TNFSF4: variants seen among roughly 807,000 people sequenced by gnomAD.
The protein encoded by TNFSF4 is tumor necrosis factor ligand superfamily member 4.
A neutral mutation model predicts 7.3 loss-of-function variants in TNFSF4; 4 were observed. The observed-to-expected ratio is 0.55, with a 90% CI of 0.27 to 1.25. TNFSF4 has a LOEUF of 1.25. Ranked by LOEUF, TNFSF4 falls within the 50% of genes most tolerant of loss-of-function variation. The pLI, the probability that TNFSF4 is intolerant of heterozygous loss-of-function variation, is 0.12. For missense variants in TNFSF4, 181 were observed against 208.8 expected (o/e 0.87, Z 0.82); for synonymous variants, 76 against 83.7 (o/e 0.91, Z 0.50).
the TNFSF4 span, among the ~76,000 whole-genome samples, chr1:173,377,941 G>C: frequency 6.6e-6 from 1 of 152,180 alleles, no homozygotes; most frequent in Admixed American, 6.5e-5. Context: ...CATCTTTATA[G>C]GACATGGTTA....
chr1:173,317,106 G>A, the TNFSF4 span, among the ~76,000 whole-genome samples: 2 of 152,126 alleles, frequency 1.3e-5, no homozygotes, highest in East Asian at 3.9e-4. Flanking sequence ...TGGGAGCTTT[G>A]AGCTGCCATG....
chr1:173,403,704 C>G, the TNFSF4 span, among the ~76,000 whole-genome samples: 1 of 152,128 alleles, frequency 6.6e-6, no homozygotes, highest in African/African-American at 2.4e-5. Context: ...GAGTTCAAGA[C>G]AAGCCTGGCC....
At chr1:173,284,840 A>G in the TNFSF4 span, among the ~76,000 whole-genome samples, 1 of 152,290 alleles carries the variant, frequency 6.6e-6, no homozygotes, top group East Asian at 1.9e-4. Context: ...ACTCATTAAC[A>G]ATGCACCTGA....
chr1:173,235,802 C>T, the TNFSF4 span, among the ~76,000 whole-genome samples: 1 of 152,092 alleles, frequency 6.6e-6, no homozygotes, highest in South Asian at 2.1e-4. Context: ...TTTAAGTGTA[C>T]AATAAATTAT....
the TNFSF4 span, among the ~76,000 whole-genome samples, chr1:173,367,301 T>A: frequency 5.3e-5 from 8 of 152,314 alleles, no homozygotes; most frequent in Middle Eastern, 6.8e-3. Flanking sequence ...ATGGCACACA[T>A]TCATCTGACG....
chr1:173,395,377 AAT>A, the TNFSF4 span, among the ~76,000 whole-genome samples: 1,413 of 63,050 alleles, frequency 0.022, 18 homozygotes, highest in Middle Eastern at 0.061. Flanking sequence ...CTGTGTATAT[AAT>A]ATATATATAT....
the TNFSF4 span, among the ~76,000 whole-genome samples, chr1:173,236,640 G>T: frequency 2.0e-5 from 3 of 152,018 alleles, no homozygotes; most frequent in African/African-American, 7.2e-5. Flanking sequence ...TACACACTGG[G>T]CTATTATCTA....
the TNFSF4 span, among the ~76,000 whole-genome samples, chr1:173,351,054 A>G: frequency 6.6e-6 from 1 of 152,192 alleles, no homozygotes; most frequent in Non-Finnish European, 1.5e-5. Flanking sequence ...GCTAAAAAAT[A>G]CTAATAATAA....
the TNFSF4 span, among the ~76,000 whole-genome samples, chr1:173,359,294 T>C: frequency 6.6e-6 from 1 of 152,156 alleles, no homozygotes; most frequent in African/African-American, 2.4e-5. Flanking sequence ...TTTCTTCTTT[T>C]GCAGTCACTT....
the TNFSF4 span, among the ~76,000 whole-genome samples, chr1:173,288,856 A>C: frequency 1.3e-5 from 2 of 149,974 alleles, no homozygotes; most frequent in Non-Finnish European, 3.0e-5. Flanking sequence ...TTGAAACCAT[A>C]CTTCTCCTTC....
the TNFSF4 span, among the ~76,000 whole-genome samples, chr1:173,359,522 A>AAAG: frequency 4.7e-5 from 1 of 21,132 alleles, no homozygotes; most frequent in Non-Finnish European, 1.2e-4. Flanking sequence ...AAAAAAAAAA[A>AAAG]AAAAAAAAAA....
At chr1:173,236,416 CAAAA>C in the TNFSF4 span, among the ~76,000 whole-genome samples, 3 of 110,110 alleles carry the variant, frequency 2.7e-5, no homozygotes, top group Admixed American at 2.6e-4. Context: ...CCAGTTATTT[CAAAA>C]AAAAAAAAAA....
intron 2 of TNFSF4, 182 bp downstream of exon 2, chr1:173,188,339 C>A: frequency 1.7e-6 from 1 of 587,950 alleles, no homozygotes; most frequent in East Asian, 2.9e-5. Context: ...ATCCCCTTTT[C>A]TCTTTATACA....
the TNFSF4 span, among the ~76,000 whole-genome samples, chr1:173,437,979 C>G: frequency 1.3e-5 from 2 of 152,070 alleles, no homozygotes; most frequent in Non-Finnish European, 2.9e-5. Flanking sequence ...AATAAAATCC[C>G]ACTAGAATTT....
chr1:173,443,354 A>T, the TNFSF4 span, among the ~76,000 whole-genome samples: 1 of 152,178 alleles, frequency 6.6e-6, no homozygotes, highest in African/African-American at 2.4e-5. Context: ...CAACCTAGAT[A>T]ATGGTTAAAT....
the TNFSF4 span, among the ~76,000 whole-genome samples, chr1:173,401,288 G>A: frequency 6.6e-6 from 1 of 152,268 alleles, no homozygotes; most frequent in Non-Finnish European, 1.5e-5. Context: ...GTTAAGTATG[G>A]TTTCAGGAGG....
At chr1:173,241,184 C>A in the TNFSF4 span, among the ~76,000 whole-genome samples, 1 of 152,136 alleles carries the variant, frequency 6.6e-6, no homozygotes, top group South Asian at 2.1e-4. Context: ...AGGAACCTCT[C>A]CCCAACCCCA....
At chr1:173,328,296 T>A in the TNFSF4 span, among the ~76,000 whole-genome samples, 11 of 140,976 alleles carry the variant, frequency 7.8e-5, no homozygotes, top group Non-Finnish European at 1.4e-4. Flanking sequence ...TAGGTGGGAA[T>A]TGAACAATAA....
At chr1:173,217,580 A>G in the TNFSF4 span, among the ~76,000 whole-genome samples, 1 of 152,210 alleles carries the variant, frequency 6.6e-6, no homozygotes, top group Non-Finnish European at 1.5e-5. Context: ...TGATGAGAGT[A>G]TTTATACCAT....
Sources: gnomAD v4.1 joint callset for allele counts (sites outside exome capture counted in the v4.1 genomes callset) on GRCh38, gnomAD v4.1.1 for gene constraint, MANE v1.5 for transcripts, NCBI Gene and HGNC (gene_info 2026-07-23, HGNC 2026-07-21) for gene names.